NPR3: variants seen among roughly 807,000 people sequenced by gnomAD.
The protein encoded by NPR3 is atrial natriuretic peptide receptor 3.
Under a neutral mutation model 54.5 loss-of-function variants are expected in NPR3, and 34 were observed. The ratio of observed to expected loss-of-function variants is 0.62; its 90% CI spans 0.47 to 0.83. The LOEUF (loss-of-function observed/expected upper bound fraction) is 0.83. Among genes scored for constraint, NPR3 ranks in the 40% least tolerant of loss-of-function variants. The pLI is 0.00. For missense variants in NPR3, 674 were observed against 720.8 expected, an observed-to-expected ratio of 0.94 and a Z score of 0.74; for synonymous variants, 289 against 297.1, an observed-to-expected ratio of 0.97 and a Z score of 0.28.
At chr5:32,691,237 C>T (rs1199649014) in intron 1 of NPR3, among the ~76,000 whole-genome samples, 2 of 152,234 alleles carry the variant, frequency 1.3e-5, no homozygotes, top group Non-Finnish European at 2.9e-5. Flanking sequence ...ATACCCCTAT[C>T]TGCAAAGTTG....
chr5:32,701,842 T>G (rs1258076997), intron 1 of NPR3, among the ~76,000 whole-genome samples: 1 of 152,186 alleles, frequency 6.6e-6, no homozygotes, highest in Non-Finnish European at 1.5e-5. Flanking sequence ...AGGCAGAGAC[T>G]CTTCTTCTCT....
At chr5:32,704,883 C>A (rs760146125), upstream of NPR3, among the ~76,000 whole-genome samples, 1 of 151,956 alleles carries the variant, frequency 6.6e-6, no homozygotes, top group African/African-American at 2.4e-5. Flanking sequence ...AAGAAGGCAG[C>A]GTACAACTAA....
intron 3 of NPR3, among the ~76,000 whole-genome samples, chr5:32,757,538 A>C (rs148545583): frequency 0.079 from 12,041 of 152,246 alleles, 639 homozygotes; most frequent in Middle Eastern, 0.12. Flanking sequence ...CAGTCATGTC[A>C]TCTGCAAACA....
At chr5:32,713,901 T>A (rs909654875) in intron 1 of NPR3, among the ~76,000 whole-genome samples, 2 of 152,224 alleles carry the variant, frequency 1.3e-5, no homozygotes, top group African/African-American at 2.4e-5. Context: ...AGGCTGTCTG[T>A]GCCGAATTCC....
At chr5:32,750,348 C>T (rs1256635628) in intron 3 of NPR3, among the ~76,000 whole-genome samples, 1 of 152,138 alleles carries the variant, frequency 6.6e-6, no homozygotes, top group Non-Finnish European at 1.5e-5. Flanking sequence ...GTCGGTCAGG[C>T]TTGTCTCCAA....
At chr5:32,697,754 C>G (rs113695566) in intron 1 of NPR3, among the ~76,000 whole-genome samples, 1 of 151,976 alleles carries the variant, frequency 6.6e-6, no homozygotes, top group Non-Finnish European at 1.5e-5. Context: ...TCCATTTCTT[C>G]TAGATTTTCC....
chr5:32,763,577 G>A (rs1378781006), intron 3 of NPR3, among the ~76,000 whole-genome samples: 1 of 151,330 alleles, frequency 6.6e-6, no homozygotes, highest in African/African-American at 2.4e-5. Flanking sequence ...GCCTCCCAAA[G>A]TGCTGGGATT....
intron 2 of NPR3, among the ~76,000 whole-genome samples, chr5:32,734,732 C>T (rs1326722520): frequency 1.3e-5 from 2 of 152,222 alleles, no homozygotes; most frequent in Non-Finnish European, 1.5e-5. Context: ...TAGCCACTAG[C>T]CACATGTGGC....
chr5:32,722,387 CAGGTAT>C (rs1165207910), intron 1 of NPR3, among the ~76,000 whole-genome samples: 2 of 152,190 alleles, frequency 1.3e-5, no homozygotes, highest in African/African-American at 2.4e-5. Flanking sequence ...TTAGCATGCT[CAGGTAT>C]AGGGCATGTT....
intron 1 of NPR3, among the ~76,000 whole-genome samples, chr5:32,702,512 T>C: frequency 6.6e-6 from 1 of 150,948 alleles, no homozygotes. Flanking sequence ...ATGCGGTGTT[T>C]GGTTTTTTTT....
intron 3 of NPR3, among the ~76,000 whole-genome samples, chr5:32,748,557 A>T (rs1348623377): frequency 6.6e-6 from 1 of 152,214 alleles, no homozygotes; most frequent in Non-Finnish European, 1.5e-5. Flanking sequence ...TGCCCGAGGC[A>T]AAGGGAAAGT....
chr5:32,754,147 C>G (rs1393723489), intron 3 of NPR3, among the ~76,000 whole-genome samples: 1 of 152,130 alleles, frequency 6.6e-6, no homozygotes, highest in Non-Finnish European at 1.5e-5. Context: ...TTCATAAGGC[C>G]TGGCCATTGA....
At chr5:32,708,000 A>T (rs1285497629), upstream of NPR3, among the ~76,000 whole-genome samples, 1 of 65,032 alleles carries the variant, frequency 1.5e-5, no homozygotes. Flanking sequence ...TAGCTTTAAA[A>T]AAAAAAAAAA....
chr5:32,771,764 A>T (rs1741773261), intron 3 of NPR3, among the ~76,000 whole-genome samples: 1 of 152,154 alleles, frequency 6.6e-6, no homozygotes, highest in Non-Finnish European at 1.5e-5. Flanking sequence ...CCCTTGTACA[A>T]TAAGAACAGA....
At position 32,780,878 on chromosome 5, in the gene NPR3, A is replaced by G. The variant is rs1742303851; in HGVS notation, c.1290+62A>G. On this transcript the variant is annotated intron_variant, in intron 5 of 7. Coordinates refer to ENST00000265074, the MANE Select transcript of NPR3 (RefSeq NM_001204375.2). ...TGCTCGTGGGGACTCTGAGGAATGC[A>G]TTTGTTCTGGTGGCCAAAGAGCTGT... 2.7e-5 allele frequency: 21 copies of G among 767,284 alleles called. No homozygotes were observed. The South Asian group carries it at 3.1e-4, about 11-fold the overall frequency. The allele number at this position is 767,284 out of a possible 1,614,324, so 47.5% of individuals were successfully genotyped here.
chr5:32,763,243 T>G (rs1309566527), intron 3 of NPR3, among the ~76,000 whole-genome samples: 3 of 152,180 alleles, frequency 2.0e-5, no homozygotes, highest in Non-Finnish European at 4.4e-5. Flanking sequence ...AGCCTTGTAG[T>G]ATAGTTTGAA....
intron 6 of NPR3, 109 bp downstream of exon 6, chr5:32,783,137 T>A (rs1742428543): frequency 6.7e-6 from 7 of 1,048,058 alleles, no homozygotes; most frequent in Non-Finnish European, 9.5e-6. Context: ...AATTTTACAT[T>A]TCTTTCTCTG....
At chr5:32,777,169 G>T (rs1742097134) in intron 4 of NPR3, among the ~76,000 whole-genome samples, 1 of 152,220 alleles carries the variant, frequency 6.6e-6, no homozygotes, top group Non-Finnish European at 1.5e-5. Context: ...CTCCACCTGG[G>T]TGAGACAGAA....
At chr5:32,706,232 G>A (rs1006752998), upstream of NPR3, among the ~76,000 whole-genome samples, 9 of 152,146 alleles carry the variant, frequency 5.9e-5, no homozygotes, top group Non-Finnish European at 1.2e-4. Context: ...TGAGGCCCTC[G>A]TCGGAAGCCG....
Sources: gnomAD v4.1 joint callset for allele counts (sites outside exome capture counted in the v4.1 genomes callset) on GRCh38, gnomAD v4.1.1 for gene constraint, MANE v1.5 for transcripts, NCBI Gene and HGNC (gene_info 2026-07-23, HGNC 2026-07-21) for gene names.